The following ARID4B variants were observed in gnomAD, a reference collection of about 807,000 sequenced individuals.
ARID4B encodes AT-rich interaction domain 4B.
Under a neutral mutation model 147.5 loss-of-function variants are expected in ARID4B, and 26 were observed. The ratio of observed to expected loss-of-function variants is 0.18; its 90% CI spans 0.13 to 0.24. The LOEUF is 0.24. Ranked by LOEUF, ARID4B falls within the 10% of genes least tolerant of loss-of-function variation. The probability of loss-of-function intolerance (pLI) is 1.00; values close to 1 mark genes in which losing one functional copy is unlikely to be tolerated. For missense variants in ARID4B, 1,179 were observed against 1,511.5 expected (o/e 0.78, Z 3.65); for synonymous variants, 512 against 507.9 (o/e 1.01, Z -0.11).
intron 6 of ARID4B, among the ~76,000 whole-genome samples, chr1:235,250,646 C>T (rs559302285): frequency 1.2e-4 from 19 of 152,172 alleles, no homozygotes; most frequent in Non-Finnish European, 2.5e-4. Flanking sequence ...ACCTTTGTCC[C>T]GGTACCTAGC....
intron 19 of ARID4B, among the ~76,000 whole-genome samples, chr1:235,183,403 T>G (rs1664455931): frequency 6.6e-6 from 1 of 152,044 alleles, no homozygotes; most frequent in Non-Finnish European, 1.5e-5. Flanking sequence ...AGACACGGGG[T>G]TTCACTGTGT....
intron 2 of ARID4B, among the ~76,000 whole-genome samples, chr1:235,265,536 T>G (rs1337424781): frequency 6.6e-6 from 1 of 151,548 alleles, no homozygotes; most frequent in African/African-American, 2.4e-5. Context: ...CTGTTTCTAC[T>G]AAAAATACAA....
intron 2 of ARID4B, among the ~76,000 whole-genome samples, chr1:235,264,297 T>C (rs762124303): frequency 2.0e-5 from 3 of 152,212 alleles, no homozygotes; most frequent in Middle Eastern, 3.2e-3. Context: ...TATAATCATC[T>C]AGAATGAAAC....
At chr1:235,208,466 A>G (rs1308556864) in intron 17 of ARID4B, among the ~76,000 whole-genome samples, 4 of 152,118 alleles carry the variant, frequency 2.6e-5, no homozygotes, top group Non-Finnish European at 5.9e-5. Flanking sequence ...AAAGACTAAA[A>G]GAGAACACAC....
At chr1:235,283,901 AT>A (rs1172261287) in intron 2 of ARID4B, among the ~76,000 whole-genome samples, 4 of 149,854 alleles carry the variant, frequency 2.7e-5, no homozygotes, top group African/African-American at 2.4e-5. Flanking sequence ...CACCCTGCTA[AT>A]TTTTTTTTTA....
intron 2 of ARID4B, among the ~76,000 whole-genome samples, chr1:235,300,299 C>A (rs2103242942): frequency 6.6e-6 from 1 of 152,232 alleles, no homozygotes; most frequent in South Asian, 2.1e-4. Context: ...TGCCTGCAAT[C>A]CCAGCTACTT....
In ARID4B at chr1:235,328,067, C is replaced by G. The variant is rs368044621; in HGVS notation, c.-348G>C. On this transcript the variant is annotated 5_prime_UTR_variant, in exon 1 of 24. Transcript: ENST00000264183. ...CGGCGGCGATGGACCCTCTGCAGCT[C>G]CCTCCGGGCAAAGGTCCAGGCGGTG... 1.3e-5 allele frequency: 2 copies of G among 153,040 alleles called. No individual in the cohort carries two copies. Among genetic ancestry groups the G allele is most frequent in the South Asian group, 4.1e-4 (2 of 4,868 alleles). 9.5% of individuals were successfully genotyped at this position (153,040 alleles called of 1,614,324 possible).
At chr1:235,311,603 G>A (rs1160940063) in intron 2 of ARID4B, among the ~76,000 whole-genome samples, 1 of 151,528 alleles carries the variant, frequency 6.6e-6, no homozygotes, top group Non-Finnish European at 1.5e-5. Context: ...GCAAAACCCT[G>A]TCTCTAATAA....
intron 2 of ARID4B, among the ~76,000 whole-genome samples, chr1:235,307,927 G>A (rs12075212): frequency 0.039 from 5,997 of 151,932 alleles, 449 homozygotes; most frequent in African/African-American, 0.14. Flanking sequence ...GAGCTCCTGG[G>A]CTCAAGCTCC....
chr1:235,291,324 C>T lies in ARID4B; in HGVS notation c.7-30572G>A, dbSNP rs112894586. ...TCGGAAGGATGAGGCAGGAGAATGG[C>T]GTGAACTTGGGAGGCAGAGGTTGCG... On this transcript the variant is annotated intron_variant, in intron 2 of 23. Transcript: ENST00000264183. Among the ~76,000 whole-genome samples the T allele has an allele frequency of 4.9e-3, 740 of 152,106 alleles. 3 individuals carry two copies. The highest frequency in any genetic ancestry group is 0.024 in the Middle Eastern group (7 of 294).
At chr1:235,243,429 T>C (rs534165567) in intron 7 of ARID4B, among the ~76,000 whole-genome samples, 5 of 152,238 alleles carry the variant, frequency 3.3e-5, no homozygotes, top group African/African-American at 1.2e-4. Context: ...ATTTCTGACA[T>C]TGTTATTTCT....
chr1:235,214,103 T>C, intron 16 of ARID4B, 77 bp from the exon 17 acceptor site: 1 of 1,491,928 alleles, frequency 6.7e-7, no homozygotes, highest in Non-Finnish European at 8.9e-7. Context: ...CATATATTGA[T>C]AAAAGTTGTG....
chr1:235,271,110 C>T (rs1173852208), intron 2 of ARID4B, among the ~76,000 whole-genome samples: 12 of 151,938 alleles, frequency 7.9e-5, no homozygotes, highest in African/African-American at 2.9e-4. Context: ...CCCAGCACTT[C>T]GGGAGACCAA....
At chr1:235,295,233 G>A (rs551766967) in intron 2 of ARID4B, among the ~76,000 whole-genome samples, 38 of 152,258 alleles carry the variant, frequency 2.5e-4, no homozygotes, top group African/African-American at 9.1e-4. Flanking sequence ...ATATAGGCCG[G>A]GCATAGTGGC....
At chr1:235,219,163 C>A (rs568025546) in intron 16 of ARID4B, among the ~76,000 whole-genome samples, 1 of 152,060 alleles carries the variant, frequency 6.6e-6, no homozygotes, top group African/African-American at 2.4e-5. Flanking sequence ...CCGCACCTGG[C>A]CTGCTAAATG....
At chr1:235,264,102 T>A (rs1224388892) in intron 2 of ARID4B, among the ~76,000 whole-genome samples, 2 of 152,216 alleles carry the variant, frequency 1.3e-5, no homozygotes, top group Admixed American at 1.3e-4. Context: ...GAAAAAGCAG[T>A]GATCTGTGTT....
At chr1:235,285,511 T>G (rs544253297) in intron 2 of ARID4B, among the ~76,000 whole-genome samples, 4 of 152,336 alleles carry the variant, frequency 2.6e-5, no homozygotes, top group Non-Finnish European at 4.4e-5. Context: ...AACATTATAC[T>G]TAACGGTGAA....
At chr1:235,308,544 G>A (rs1673751512) in intron 2 of ARID4B, among the ~76,000 whole-genome samples, 1 of 148,702 alleles carries the variant, frequency 6.7e-6, no homozygotes, top group Admixed American at 6.9e-5. Context: ...GGACTGTACT[G>A]CTGCCATCTC....
At chr1:235,298,108 G>C (rs1168339132) in intron 2 of ARID4B, among the ~76,000 whole-genome samples, 1 of 152,110 alleles carries the variant, frequency 6.6e-6, no homozygotes, top group East Asian at 1.9e-4. Context: ...AATACATATG[G>C]GTGAAATGAT....
Sources: allele counts gnomAD v4.1 joint callset (sites outside exome capture counted in the v4.1 genomes callset), GRCh38; gene constraint gnomAD v4.1.1; transcripts MANE v1.5; gene names NCBI Gene and HGNC (gene_info 2026-07-23, HGNC 2026-07-21).